Variants in PDZRN3 observed in about 807,000 individuals in gnomAD.
The protein encoded by PDZRN3 is PDZ domain containing ring finger 3.
A neutral mutation model predicts 85.7 loss-of-function variants in PDZRN3; 38 were observed. That is an observed-to-expected ratio of 0.44 (90% CI 0.34 to 0.58). PDZRN3 has a LOEUF of 0.58. Ranked by LOEUF, PDZRN3 falls within the 20% of genes least tolerant of loss-of-function variation. The pLI is 0.01. For missense variants in PDZRN3, 1,629 were observed against 1,506.4 expected, an observed-to-expected ratio of 1.08 and a Z score of -1.35; for synonymous variants, 759 against 638.0, an observed-to-expected ratio of 1.19 and a Z score of -2.86.
chr3:73,599,260 T>G (rs1702476151), intron 3 of PDZRN3, among the ~76,000 whole-genome samples: 1 of 152,216 alleles, frequency 6.6e-6, no homozygotes, highest in Non-Finnish European at 1.5e-5. Context: ...AGAATGTTAT[T>G]TAGCCTTAAA....
At chr3:73,389,700 T>C (rs1559650794) in intron 7 of PDZRN3, 116 bp downstream of exon 7, 2 of 765,490 alleles carry the variant, frequency 2.6e-6, no homozygotes, top group East Asian at 2.5e-5. Context: ...ACATCTGCGT[T>C]TGTGATCCCT....
chr3:73,434,765 T>A (rs1702499351), intron 3 of PDZRN3, among the ~76,000 whole-genome samples: 2 of 152,268 alleles, frequency 1.3e-5, no homozygotes. Flanking sequence ...CCCCAAGTTG[T>A]GTGTGAAGAA....
chr3:73,406,889 T>C (rs2106735684), intron 3 of PDZRN3, among the ~76,000 whole-genome samples: 1 of 152,306 alleles, frequency 6.6e-6, no homozygotes, highest in Admixed American at 6.5e-5. Flanking sequence ...TTTACACTTT[T>C]TAGAGACACA....
chr3:73,565,149 G>C (rs1575740369), intron 3 of PDZRN3, among the ~76,000 whole-genome samples: 2 of 121,930 alleles, frequency 1.6e-5, no homozygotes, highest in Non-Finnish European at 3.3e-5. Context: ...TTTTTTTTGA[G>C]ATGGATTCTT....
At chr3:73,503,948 G>A (rs1015652000) in intron 3 of PDZRN3, among the ~76,000 whole-genome samples, 4 of 152,166 alleles carry the variant, frequency 2.6e-5, no homozygotes, top group African/African-American at 9.6e-5. Flanking sequence ...CATCTGAAAC[G>A]TAACTCAGCG....
intron 3 of PDZRN3, among the ~76,000 whole-genome samples, chr3:73,430,350 T>C (rs1016465349): frequency 2.6e-5 from 4 of 152,212 alleles, no homozygotes; most frequent in Non-Finnish European, 5.9e-5. Context: ...ATGCAGACTT[T>C]AGGACAATGT....
intron 3 of PDZRN3, among the ~76,000 whole-genome samples, chr3:73,439,400 C>T (rs1233938320): frequency 1.3e-5 from 2 of 152,174 alleles, no homozygotes; most frequent in African/African-American, 2.4e-5. Flanking sequence ...GACAGTTGCT[C>T]CCACAAGCCC....
intron 3 of PDZRN3, among the ~76,000 whole-genome samples, chr3:73,465,300 C>T (rs1703191554): frequency 6.6e-6 from 1 of 152,184 alleles, no homozygotes; most frequent in Non-Finnish European, 1.5e-5. Flanking sequence ...CATTTTGAAT[C>T]TCCATCTCTC....
intron 3 of PDZRN3, among the ~76,000 whole-genome samples, chr3:73,462,418 C>T (rs1703124204): frequency 1.3e-5 from 2 of 151,642 alleles, no homozygotes; most frequent in Non-Finnish European, 2.9e-5. Flanking sequence ...GGTGGTGGGC[C>T]CCTGTAGTCC....
At chr3:73,600,337 A>ACACACTCTCTCTCTCTCTCTCT (rs34405662) in intron 3 of PDZRN3, among the ~76,000 whole-genome samples, 11 of 100,072 alleles carry the variant, frequency 1.1e-4, no homozygotes, top group African/African-American at 4.7e-4. Flanking sequence ...ACACACACAC[A>ACACACTCTCTCTCTCTCTCTCT]CTCTCTCTCT....
intron 3 of PDZRN3, among the ~76,000 whole-genome samples, chr3:73,491,604 T>TTTTTTTTTTTTTA (rs1559706362): frequency 6.7e-6 from 1 of 150,238 alleles, no homozygotes; most frequent in Non-Finnish European, 1.5e-5. Flanking sequence ...TTTTTTTTTT[T>TTTTTTTTTTTTTA]TAAGAAGCAG....
chr3:73,467,113 G>A (rs9858252), intron 3 of PDZRN3, among the ~76,000 whole-genome samples: 2,264 of 152,240 alleles, frequency 0.015, 63 homozygotes, highest in African/African-American at 0.052. Flanking sequence ...AGATGGTGCA[G>A]GAAATGGAGA....
chr3:73,579,907 C>A (rs951157807), intron 3 of PDZRN3, among the ~76,000 whole-genome samples: 2 of 152,070 alleles, frequency 1.3e-5, no homozygotes, highest in Non-Finnish European at 2.9e-5. Flanking sequence ...CAGACCTATA[C>A]AGAAAAATGT....
At chr3:73,517,439 C>T (rs1462375078) in intron 3 of PDZRN3, among the ~76,000 whole-genome samples, 1 of 152,104 alleles carries the variant, frequency 6.6e-6, no homozygotes, top group Non-Finnish European at 1.5e-5. Flanking sequence ...AGCTCTTTGG[C>T]ACCTAAAATT....
At chr3:73,584,477 GTGTGTGTGTGTGTGTGTGTGTGTA>G (rs1372665273) in intron 3 of PDZRN3, among the ~76,000 whole-genome samples, 12 of 110,894 alleles carry the variant, frequency 1.1e-4, no homozygotes, top group South Asian at 3.6e-4. Context: ...GTGTGTGTGT[GTGTGTGTGTGTGTGTGTGTGTGTA>G]TGCATATGCG....
Position 73,386,016 on chromosome 3 carries a change from T to C in PDZRN3, c.1519-231A>G, listed in dbSNP as rs117149822. Among the ~76,000 whole-genome samples, 639 of 145,902 alleles carry C rather than the reference T, an allele frequency of 4.4e-3. 27 individuals carry two copies. Among genetic ancestry groups the C allele is most frequent in the Admixed American group, 0.037 (553 of 14,790 alleles). The stretch of plus-strand genomic sequence containing the variant: ...CTGGGGAAGTCTTTAATATCCATGA[T>C]TTTTTTTTTTCAGGGTGAAACTCTT... On this transcript the variant is annotated intron_variant, in intron 8 of 9. Coordinates refer to ENST00000263666, the MANE Select transcript of PDZRN3 (RefSeq NM_015009.3).
intron 3 of PDZRN3, among the ~76,000 whole-genome samples, chr3:73,509,202 T>C (rs1034693025): frequency 4.6e-5 from 7 of 152,234 alleles, no homozygotes; most frequent in Non-Finnish European, 1.0e-4. Context: ...CCTTTTTTAC[T>C]TTCCAAGCCC....
chr3:73,450,348 A>G (rs1476609084), intron 3 of PDZRN3, among the ~76,000 whole-genome samples: 7 of 152,194 alleles, frequency 4.6e-5, no homozygotes, highest in African/African-American at 1.7e-4. Flanking sequence ...TCTCCAAGTT[A>G]TATTTAAAAA....
chr3:73,454,501 A>C (rs1156447102), intron 3 of PDZRN3, among the ~76,000 whole-genome samples: 1 of 152,086 alleles, frequency 6.6e-6, no homozygotes, highest in African/African-American at 2.4e-5. Context: ...CTGATACCTG[A>C]CTTTGGGAAG....
Sources: gnomAD v4.1 joint callset for allele counts (sites outside exome capture counted in the v4.1 genomes callset) on GRCh38, gnomAD v4.1.1 for gene constraint, MANE v1.5 for transcripts, NCBI Gene and HGNC (gene_info 2026-07-23, HGNC 2026-07-21) for gene names.